Variants in CYP46A1 observed in about 807,000 individuals in gnomAD.
CYP46A1 encodes cholesterol 24-hydroxylase.
A neutral mutation model predicts 63.3 loss-of-function variants in CYP46A1; 20 were observed. The observed-to-expected ratio is 0.32, with a 90% CI of 0.22 to 0.46. CYP46A1 has a LOEUF of 0.46. Among genes scored for constraint, CYP46A1 ranks in the 20% least tolerant of loss-of-function variants. The pLI is 1.00. For synonymous variants in CYP46A1, 268 were observed against 273.6 expected, an observed-to-expected ratio of 0.98 and a Z score of 0.20; for missense variants, 445 against 670.8, an observed-to-expected ratio of 0.66 and a Z score of 3.72.
Position 99,704,226 on chromosome 14 carries a change from G to A in CYP46A1, c.444-2421G>A, listed in dbSNP as rs150780094. Among the ~76,000 whole-genome samples the A allele has an allele frequency of 3.1e-3, 470 of 152,206 alleles. 2 individuals carry two copies. The highest frequency in any genetic ancestry group is 0.011 in the African/African-American group (448 of 41,512). ...CAGTTCAGTGGTATTAAATTCATTC[G>A]CATTATTACGCAACCATCACCAGAT... On this transcript the variant is annotated intron_variant, in intron 5 of 14. Transcript: ENST00000261835.
chr14:99,714,563 C>T (rs2056769890), intron 7 of CYP46A1, among the ~76,000 whole-genome samples: 1 of 151,970 alleles, frequency 6.6e-6, no homozygotes, highest in South Asian at 2.1e-4. Flanking sequence ...GAGTTCAAAA[C>T]CAGCCTTTCA....
chr14:99,700,039 C>T lies in CYP46A1; in HGVS notation c.381C>T (p.Ser127=), dbSNP rs139245529. The T allele has an allele frequency of 3.3e-4, 530 of 1,591,538 alleles. 3 individuals carry two copies. The African/African-American group carries it at 6.1e-3, about 18-fold the overall frequency. ...GERLFGQGLV[S]ECNYERWHKQ... ...GACTCTTCGGCCAAGGCTTGGTGTC[C>T]GAATGCAACTATGAGCGCTGGCACA... Residue 127 remains serine (S), a synonymous_variant, in exon 5 of 15, where the codon TCC becomes TCT. Transcript: ENST00000261835.
At chr14:99,706,472 G>T in intron 5 of CYP46A1, 175 bp from the exon 6 acceptor site, 1 of 707,188 alleles carries the variant, frequency 1.4e-6, no homozygotes, top group South Asian at 1.8e-5. Context: ...CCAGGGTGTA[G>T]TTCAGTTACT....
rs1555384068 is a variant in CYP46A1 at position 99,722,644 on chromosome 14, C to CATGTGTGTGTGTGTGT, written c.1176+578_1176+579insATGTGTGTGTGTGTGT. 7.0e-6 allele frequency among the ~76,000 whole-genome samples: 1 copy of CATGTGTGTGTGTGTGT among 142,160 alleles called. No individual in the cohort carries two copies. The highest frequency in any genetic ancestry group is 2.6e-5 in the African/African-American group (1 of 39,128). The allele number at this position is 142,160 out of a possible 152,430, so 93.3% of individuals were successfully genotyped here. Reference sequence around the variant, plus strand: ...ATCTGAATTGTGTGTTTGCCATTCCCGTGTGTGTGTGTGTGTGTGTGTGTG... The same window carrying CATGTGTGTGTGTGTGT: ...ATCTGAATTGTGTGTTTGCCATTCCCATGTGTGTGTGTGTGTGTGTGTGTGTGTGTGTGTGTGTGTG... On this transcript the variant is annotated intron_variant, in intron 12 of 14. Coordinates refer to ENST00000261835, the MANE Select transcript of CYP46A1 (RefSeq NM_006668.2). This position sits in a 1 kb window ranked among gnomAD's most constrained non-coding sequence, Gnocchi z 4.6.
At chr14:99,714,694 A>G (rs1341936207) in intron 7 of CYP46A1, among the ~76,000 whole-genome samples, 2 of 150,100 alleles carry the variant, frequency 1.3e-5, no homozygotes, top group East Asian at 2.0e-4. Context: ...TGGAAAATGG[A>G]GGTTGCAGTG....
At chr14:99,700,173 C>A in intron 5 of CYP46A1, 72 bp downstream of exon 5, 2 of 1,277,412 alleles carry the variant, frequency 1.6e-6, no homozygotes, top group Non-Finnish European at 2.1e-6. Context: ...TGTAGGTGGG[C>A]CTTGGGGAGG....
chr14:99,695,777 C>G (rs2056582894), intron 3 of CYP46A1, among the ~76,000 whole-genome samples: 1 of 151,868 alleles, frequency 6.6e-6, no homozygotes, highest in Admixed American at 6.6e-5. Flanking sequence ...ACTACAGGTG[C>G]CTGCCACCAT....
intron 5 of CYP46A1, among the ~76,000 whole-genome samples, chr14:99,705,400 C>T (rs1401202621): frequency 2.2e-5 from 3 of 135,302 alleles, no homozygotes; most frequent in Non-Finnish European, 5.2e-5. Flanking sequence ...TTTGCAGAGA[C>T]GGAGTCTTGC....
At position 99,725,532 on chromosome 14, in the gene CYP46A1, C is replaced by A; in HGVS notation, c.1265+53C>A. 7.2e-7 allele frequency: 1 copy of A among 1,391,014 alleles called. No homozygotes were observed. The highest frequency in any genetic ancestry group is 1.0e-6 in the Non-Finnish European group (1 of 977,820). 86.2% of individuals were successfully genotyped at this position (1,391,014 alleles called of 1,614,324 possible). A position where few individuals can be genotyped will look rare whatever the true frequency, so the allele number is the denominator to read the frequency against. On this transcript the variant is annotated intron_variant, in intron 13 of 14. Coordinates refer to ENST00000261835, the MANE Select transcript of CYP46A1 (RefSeq NM_006668.2). This position sits in a 1 kb window ranked among gnomAD's most constrained non-coding sequence, Gnocchi z 4.2. ...GTGGGGCTGGCGGGAGAAGGACAGACACAGCGGCCTCTGGTCTGAGCCAGA... is the reference window on the plus strand; with the variant it reads ...GTGGGGCTGGCGGGAGAAGGACAGAAACAGCGGCCTCTGGTCTGAGCCAGA...
chr14:99,716,731 T>C (rs1482688647), intron 9 of CYP46A1, among the ~76,000 whole-genome samples: 3 of 152,156 alleles, frequency 2.0e-5, no homozygotes, highest in Non-Finnish European at 4.4e-5. Context: ...TTTGTGGTAA[T>C]TGAGTGACGT....
chr14:99,697,014 T>C (rs1260252713), intron 3 of CYP46A1, among the ~76,000 whole-genome samples: 1 of 152,118 alleles, frequency 6.6e-6, no homozygotes, highest in Non-Finnish European at 1.5e-5. Context: ...CTGCGGAAGG[T>C]CTTGTGTCTG....
chr14:99,708,258 C>A, intron 7 of CYP46A1: 1 of 202,914 alleles, frequency 4.9e-6, no homozygotes. Context: ...GCCCCACTTG[C>A]CGACACTGGC....
Position 99,699,445 on chromosome 14 carries a change from TG to T in CYP46A1, c.283-19del, listed in dbSNP as rs756524039. 6.2e-7 allele frequency: 1 copy of T among 1,613,052 alleles called. No homozygotes were observed. The highest frequency in any genetic ancestry group is 1.7e-5 in the Admixed American group (1 of 59,994). ...TACTCATGGGTGCATGAGCCTATGTTGGTTTTTTGGGGATATTTAGAAGTTC... is the reference window on the plus strand; with the variant it reads ...TACTCATGGGTGCATGAGCCTATGTTGTTTTTTGGGGATATTTAGAAGTTC... On this transcript the variant is annotated intron_variant, in intron 3 of 14. Coordinates refer to ENST00000261835, the MANE Select transcript of CYP46A1 (RefSeq NM_006668.2).
intron 8 of CYP46A1, 88 bp from the exon 9 acceptor site, chr14:99,716,049 A>C (rs1053829785): frequency 3.7e-6 from 6 of 1,610,568 alleles, no homozygotes; most frequent in Non-Finnish European, 5.1e-6. Context: ...TGTTTGGCTT[A>C]AGAGGAGAAA....
At chr14:99,688,343 C>G (rs1034084669) in intron 1 of CYP46A1, among the ~76,000 whole-genome samples, 2 of 152,178 alleles carry the variant, frequency 1.3e-5, no homozygotes, top group African/African-American at 4.8e-5. Flanking sequence ...TTCGCCTACT[C>G]TCCCTTCCTG....
chr14:99,722,084 G>A lies in CYP46A1; in HGVS notation c.1176+18G>A, dbSNP rs776788882. ...CGCTCTTGGTGGGTGGAGGCCCTGG[G>A]GGTCCTGGGGTGGGCTGGGCTGCTT... On this transcript the variant is annotated intron_variant, in intron 12 of 14. Coordinates refer to ENST00000261835, the MANE Select transcript of CYP46A1 (RefSeq NM_006668.2). The surrounding 1 kb of genome is among the most constrained non-coding windows in gnomAD (Gnocchi z 4.6). 2 of 1,593,172 alleles carry A rather than the reference G, an allele frequency of 1.3e-6. No individual in the cohort carries two copies. Among genetic ancestry groups the A allele is most frequent in the Non-Finnish European group, 1.7e-6 (2 of 1,164,884 alleles).
rs758186359 is a variant in CYP46A1 at position 99,721,317 on chromosome 14, G to T, written c.1059G>T (p.Leu353=). The T allele has an allele frequency of 2.5e-6, 4 of 1,607,968 alleles. No individual in the cohort carries two copies. The highest frequency in any genetic ancestry group is 2.7e-5 in the African/African-American group (2 of 74,778). The change falls in exon 11 of 15, where the codon CTG becomes CTT. Residue 353 remains leucine, a synonymous_variant. Transcript: ENST00000261835. The part of the protein sequence containing the change: ...DFEDLGRLQY[L]SQVLKESLRL... The stretch of plus-strand genomic sequence containing the variant: ...AGGACCTGGGGAGACTGCAGTACCT[G>T]TCCCAGGTGTGGGAAGTAGGAGGGA...
intron 1 of CYP46A1, among the ~76,000 whole-genome samples, chr14:99,687,861 G>T (rs530323905): frequency 6.6e-6 from 1 of 152,116 alleles, no homozygotes; most frequent in Admixed American, 6.5e-5. Context: ...CTGCCGGGGC[G>T]CTGAGCAACA....
At chr14:99,694,295 CT>C (rs35121420) in intron 3 of CYP46A1, among the ~76,000 whole-genome samples, 2,955 of 137,056 alleles carry the variant, frequency 0.022, 80 homozygotes, top group African/African-American at 0.071. Flanking sequence ...GATTTTCTTT[CT>C]TTTTTTTTTT....
Sources: allele counts gnomAD v4.1 joint callset (sites outside exome capture counted in the v4.1 genomes callset), GRCh38; gene constraint gnomAD v4.1.1; non-coding constraint Gnocchi (gnomAD v3.1); transcripts MANE v1.5; gene names NCBI Gene and HGNC (gene_info 2026-07-23, HGNC 2026-07-21).